The following TENM3 variants were observed in gnomAD, a reference collection of about 807,000 sequenced individuals.
The protein encoded by TENM3 is teneurin transmembrane protein 3.
TENM3 carries 63 observed loss-of-function variants against 255.1 expected under a neutral mutation model. The observed-to-expected ratio is 0.25, with a 90% CI of 0.20 to 0.30. The LOEUF (loss-of-function observed/expected upper bound fraction) is 0.30. TENM3 is among the 10% of genes least tolerant of loss of function. The probability of loss-of-function intolerance (pLI) is 1.00; values close to 1 mark genes in which losing one functional copy is unlikely to be tolerated. For synonymous variants in TENM3, 1,306 were observed against 1,322.3 expected (o/e 0.99, Z 0.27); for missense variants, 2,929 against 3,461.1 (o/e 0.85, Z 3.86).
chr4:182,649,838 G>A (rs143981598), intron 5 of TENM3, among the ~76,000 whole-genome samples: 7 of 150,304 alleles, frequency 4.7e-5, no homozygotes, highest in South Asian at 4.4e-4. Context: ...AAGTGTTATC[G>A]TAGCCTGTGG....
At chr4:182,386,212 C>T (rs1215851822) in intron 3 of TENM3, among the ~76,000 whole-genome samples, 2 of 152,172 alleles carry the variant, frequency 1.3e-5, no homozygotes, top group Non-Finnish European at 2.9e-5. Flanking sequence ...TGATTTGGAA[C>T]CCTCATAATT....
chr4:181,675,788 G>T, the TENM3 span, among the ~76,000 whole-genome samples: 1 of 150,462 alleles, frequency 6.6e-6, no homozygotes, highest in Non-Finnish European at 1.5e-5. Context: ...TGCAAAATGA[G>T]GGTGGAATTG....
intron 12 of TENM3, among the ~76,000 whole-genome samples, chr4:182,702,413 A>T (rs1430845359): frequency 1.3e-5 from 2 of 152,132 alleles, no homozygotes; most frequent in Non-Finnish European, 2.9e-5. Context: ...CCAATCCCAC[A>T]TTTCTTTCCT....
intron 3 of TENM3, among the ~76,000 whole-genome samples, chr4:182,568,576 A>G (rs1744032809): frequency 6.6e-6 from 1 of 152,074 alleles, no homozygotes; most frequent in South Asian, 2.1e-4. Flanking sequence ...TATGGTACAA[A>G]CTCTTTGGAT....
intron 22 of TENM3, among the ~76,000 whole-genome samples, chr4:182,762,822 A>G (rs1763317546): frequency 9.7e-6 from 1 of 103,576 alleles, no homozygotes; most frequent in South Asian, 3.2e-4. Flanking sequence ...GGATACTATC[A>G]TCTACATGCT....
chr4:182,735,952 C>A (rs1012161066), intron 16 of TENM3, among the ~76,000 whole-genome samples: 1 of 151,964 alleles, frequency 6.6e-6, no homozygotes, highest in Admixed American at 6.6e-5. Flanking sequence ...GGAGATAATT[C>A]TTATGCACAT....
At chr4:181,985,248 C>G in the TENM3 span, among the ~76,000 whole-genome samples, 3 of 151,734 alleles carry the variant, frequency 2.0e-5, no homozygotes, top group Admixed American at 1.3e-4. Context: ...TTCCATGTCC[C>G]CAGAACATCA....
chr4:182,757,879 A>G (rs1376187747), intron 22 of TENM3, among the ~76,000 whole-genome samples: 1 of 152,198 alleles, frequency 6.6e-6, no homozygotes, highest in African/African-American at 2.4e-5. Context: ...AAGTATATCT[A>G]TTAAATCTTA....
the TENM3 span, among the ~76,000 whole-genome samples, chr4:181,696,935 C>A: frequency 6.6e-6 from 1 of 152,142 alleles, no homozygotes. Context: ...GAGGACAGAG[C>A]CTGAAACGAA....
At chr4:181,670,054 CAA>C in the TENM3 span, among the ~76,000 whole-genome samples, 1 of 151,944 alleles carries the variant, frequency 6.6e-6, no homozygotes, top group Non-Finnish European at 1.5e-5. Flanking sequence ...TTTTTATCTC[CAA>C]AAGTATATCT....
chr4:182,401,552 C>T (rs2151030403), intron 3 of TENM3, among the ~76,000 whole-genome samples: 1 of 152,278 alleles, frequency 6.6e-6, no homozygotes, highest in African/African-American at 2.4e-5. Context: ...TGGCACAAAC[C>T]TCCAGTCATT....
the TENM3 span, among the ~76,000 whole-genome samples, chr4:182,138,446 A>T: frequency 6.6e-6 from 1 of 152,318 alleles, no homozygotes; most frequent in East Asian, 1.9e-4. Flanking sequence ...TACAAAGCAC[A>T]CAGGCTCTGC....
intron 3 of TENM3, among the ~76,000 whole-genome samples, chr4:182,389,837 C>T (rs897388562): frequency 1.3e-5 from 2 of 152,032 alleles, no homozygotes; most frequent in Non-Finnish European, 2.9e-5. Flanking sequence ...AGGCGCCCGC[C>T]ACCACTCCCG....
At chr4:182,696,712 A>G (rs1757451900) in intron 12 of TENM3, among the ~76,000 whole-genome samples, 1 of 151,920 alleles carries the variant, frequency 6.6e-6, no homozygotes, top group Non-Finnish European at 1.5e-5. Flanking sequence ...TGACAGAGCG[A>G]GACTTCATCT....
chr4:181,553,123 T>C, the TENM3 span, among the ~76,000 whole-genome samples: 1 of 152,152 alleles, frequency 6.6e-6, no homozygotes, highest in East Asian at 1.9e-4. Flanking sequence ...CTTTCATCCT[T>C]GTAGAGAATT....
At chr4:182,244,349 C>T (rs1479828851) in intron 1 of TENM3, among the ~76,000 whole-genome samples, 2 of 152,116 alleles carry the variant, frequency 1.3e-5, no homozygotes, top group African/African-American at 4.8e-5. Context: ...TTGCTGTGAG[C>T]TGATTTAGTG....
chr4:181,592,256 A>AAC, the TENM3 span, among the ~76,000 whole-genome samples: 2,745 of 148,406 alleles, frequency 0.018, 20 homozygotes, highest in Non-Finnish European at 0.028. Context: ...TTTAAACACA[A>AAC]ACACACACAC....
the TENM3 span, among the ~76,000 whole-genome samples, chr4:182,100,468 CACACACACACACACATATATATATAT>C: frequency 3.3e-5 from 2 of 60,330 alleles, no homozygotes; most frequent in Non-Finnish European, 7.1e-5. Flanking sequence ...TATATATATA[CACACACACACACACATATATATATAT>C]ACACACACAC....
chr4:181,693,056 G>A, the TENM3 span, among the ~76,000 whole-genome samples: 6 of 152,142 alleles, frequency 3.9e-5, no homozygotes, highest in Non-Finnish European at 8.8e-5. Flanking sequence ...GGCTGTGCTC[G>A]TTCCCAGACC....
Sources: allele counts gnomAD v4.1 joint callset (sites outside exome capture counted in the v4.1 genomes callset), GRCh38; gene constraint gnomAD v4.1.1; transcripts MANE v1.5; gene names NCBI Gene and HGNC (gene_info 2026-07-23, HGNC 2026-07-21).